The following ZNF570 variants were observed in gnomAD, a reference collection of about 807,000 sequenced individuals.
The protein encoded by ZNF570 is zinc finger protein 570.
Under a neutral mutation model 14.2 loss-of-function variants are expected in ZNF570, and 8 were observed. That is an observed-to-expected ratio of 0.56 (90% CI 0.33 to 1.02). The LOEUF (loss-of-function observed/expected upper bound fraction) is 1.02, where lower values mean the gene tolerates loss of function less well. Ranked by LOEUF, ZNF570 falls within the 50% of genes least tolerant of loss-of-function variation. The probability of loss-of-function intolerance (pLI) is 0.03; values close to 1 mark genes in which losing one functional copy is unlikely to be tolerated. For synonymous variants in ZNF570, 202 were observed against 207.6 expected, an observed-to-expected ratio of 0.97 and a Z score of 0.23; for missense variants, 559 against 624.9, an observed-to-expected ratio of 0.89 and a Z score of 1.12.
chr19:37,468,069 G>GT, upstream of ZNF570: 8 of 668,734 alleles, frequency 1.2e-5, no homozygotes, highest in Non-Finnish European at 1.9e-5. Flanking sequence ...TATGCCTTTC[G>GT]TGTTTTTTTT....
intron 2 of ZNF570, among the ~76,000 whole-genome samples, chr19:37,474,855 T>C (rs963103798): frequency 6.6e-6 from 1 of 152,228 alleles, no homozygotes; most frequent in African/African-American, 2.4e-5. Flanking sequence ...ATTAAATTAA[T>C]ACATACACAT....
At position 37,484,038 on chromosome 19, in the gene ZNF570, C is replaced by G. The variant is rs754287632; in HGVS notation, c.416C>G (p.Pro139Arg). Residue 139 changes from proline (P) to arginine (R), a missense_variant, in exon 5 of 5, where the codon CCA becomes CGA. Physicochemically the swap from Pro to Arg is moderately radical, Grantham distance 103 (BLOSUM62 -2). Coordinates refer to ENST00000330173, the MANE Select transcript of ZNF570 (RefSeq NM_144694.5). The stretch of plus-strand genomic sequence containing the variant: ...TGTGAGGGCTATTTTGAAAGGCAAC[C>G]AGGTAATCAGAAGGCGTGTTTCAAG... ...WKCEGYFERQ[P>R]GNQKACFKEE... The G allele has an allele frequency of 1.9e-6, 3 of 1,613,878 alleles. No individual in the cohort carries two copies. The African/African-American group carries it at 4.0e-5, about 22-fold the overall frequency.
chr19:37,480,224 G>T (rs1473943472), intron 4 of ZNF570, among the ~76,000 whole-genome samples: 1 of 152,156 alleles, frequency 6.6e-6, no homozygotes, highest in African/African-American at 2.4e-5. Context: ...GGTGGCTCAC[G>T]CCTGTAATCC....
At chr19:37,479,906 T>G (rs1474787319) in intron 4 of ZNF570, among the ~76,000 whole-genome samples, 1 of 152,200 alleles carries the variant, frequency 6.6e-6, no homozygotes, top group Non-Finnish European at 1.5e-5. Flanking sequence ...TAAACATTTT[T>G]TAAAATCCAG....
chr19:37,467,961 G>A (rs1381617053), upstream of ZNF570: 2 of 1,535,766 alleles, frequency 1.3e-6, no homozygotes, highest in East Asian at 4.9e-5. Context: ...TTCATGACCC[G>A]GGATCGTGAG....
upstream of ZNF570, chr19:37,468,111 G>A: frequency 7.8e-6 from 5 of 639,554 alleles, no homozygotes; most frequent in Non-Finnish European, 1.3e-5. Context: ...TTGAGGCAGA[G>A]CCTCACTTTG....
At chr19:37,473,640 G>A (rs1600378681) in intron 2 of ZNF570, among the ~76,000 whole-genome samples, 2 of 152,250 alleles carry the variant, frequency 1.3e-5, no homozygotes, top group South Asian at 4.1e-4. Context: ...GTACTGACAA[G>A]GTCTGGGTTA....
Position 37,484,325 on chromosome 19 carries a change from C to T in ZNF570, c.703C>T (p.Leu235Phe), listed in dbSNP as rs2042123012. The change falls in exon 5 of 5, where the codon CTT (leucine) becomes TTT (phenylalanine). Residue 235 changes from leucine (L) to phenylalanine (F), a missense_variant. Transcript: ENST00000330173. ...CTTCAGCCAGAGTTCATCCCTTACTCTTCATCAAAGAATTCATACTGGAGA... is the reference window on the plus strand; with the variant it reads ...CTTCAGCCAGAGTTCATCCCTTACTTTTCATCAAAGAATTCATACTGGAGA... ...KVFSQSSSLTLHQRIHTGEKP... is the reference protein window; with the variant it reads ...KVFSQSSSLTFHQRIHTGEKP... 6.2e-7 allele frequency: 1 copy of T among 1,613,908 alleles called. No homozygotes were observed. Among genetic ancestry groups the T allele is most frequent in the Non-Finnish European group, 8.5e-7 (1 of 1,179,988 alleles).
chr19:37,475,922 A>G lies in ZNF570; in HGVS notation c.75A>G (p.Gln25=), dbSNP rs1345849044. The part of the protein sequence containing the change: ...TFRDVAVDFS[Q]EEWDCLDSSQ... ...GAGATGTGGCTGTAGACTTCTCCCA[A>G]GAGGAATGGGATTGTCTGGATTCTT... Residue 25 remains glutamine (Q), a synonymous_variant, in exon 3 of 5, where the codon CAA becomes CAG. Transcript: ENST00000330173. 6.2e-7 allele frequency: 1 copy of G among 1,613,942 alleles called. No homozygotes were observed. Among genetic ancestry groups the G allele is most frequent in the African/African-American group, 1.3e-5 (1 of 75,046 alleles).
rs1022375439 is a variant in ZNF570, at chr19:37,486,892, TG to T, written c.*1660del. 7.2e-5 allele frequency: 11 copies of T among 152,160 alleles called. No individual in the cohort carries two copies. The highest frequency in any genetic ancestry group is 7.2e-4 in the Admixed American group (11 of 15,262). The allele number at this position is 152,160 out of a possible 1,614,324, so 9.4% of individuals were successfully genotyped here. A position where few individuals can be genotyped will look rare whatever the true frequency, so the allele number is the denominator to read the frequency against. ...AAAAATCAATAAACATAGAAATTCA[TG>T]TGATCCCCTTAAATAGGCACCACAC... On this transcript the variant is annotated 3_prime_UTR_variant, in exon 5 of 5. Coordinates refer to ENST00000330173, the MANE Select transcript of ZNF570 (RefSeq NM_144694.5).
At chr19:37,472,454 G>A (rs1216557610) in intron 2 of ZNF570, among the ~76,000 whole-genome samples, 1 of 152,002 alleles carries the variant, frequency 6.6e-6, no homozygotes, top group Non-Finnish European at 1.5e-5. Flanking sequence ...TATAAGAGAA[G>A]GAGAGACCTG....
chr19:37,468,490 G>C (rs998978228), upstream of ZNF570, among the ~76,000 whole-genome samples: 3 of 151,694 alleles, frequency 2.0e-5, no homozygotes, highest in Non-Finnish European at 4.4e-5. Flanking sequence ...TTGAGGTCAC[G>C]AGGTTTTTGT....
intron 1 of ZNF570, 187 bp downstream of exon 1, chr19:37,469,744 G>A (rs182141158): frequency 1.8e-4 from 115 of 649,332 alleles, no homozygotes; most frequent in Middle Eastern, 8.5e-4. Flanking sequence ...TGAGATTGTC[G>A]CTTGTGATAG....
chr19:37,484,364 T>C lies in ZNF570; in HGVS notation c.742T>C (p.Cys248Arg), dbSNP rs753142824. 1 of 1,614,104 alleles carries C rather than the reference T, an allele frequency of 6.2e-7. No individual in the cohort carries two copies. The highest frequency in any genetic ancestry group is 8.5e-7 in the Non-Finnish European group (1 of 1,180,030). The change falls in exon 5 of 5, where the codon TGT becomes CGT. Residue 248 changes from cysteine (C) to arginine (R), a missense_variant. By Grantham distance (180) the Cys-to-Arg change is radical. Coordinates refer to ENST00000330173, the MANE Select transcript of ZNF570 (RefSeq NM_144694.5). ...RIHTGEKPYK[C>R]IECGKAFSQR... ...TCATACTGGAGAGAAACCCTATAAATGTATAGAGTGTGGAAAAGCCTTCAG... is the reference window on the plus strand; with the variant it reads ...TCATACTGGAGAGAAACCCTATAAACGTATAGAGTGTGGAAAAGCCTTCAG...
At chr19:37,472,725 A>G (rs950309396) in intron 2 of ZNF570, among the ~76,000 whole-genome samples, 5 of 146,910 alleles carry the variant, frequency 3.4e-5, no homozygotes, top group Non-Finnish European at 5.9e-5. Context: ...CTGGGCAACA[A>G]GAGTGAAACT....
chr19:37,468,922 G>A (rs1001832937), upstream of ZNF570: 84 of 488,576 alleles, frequency 1.7e-4, no homozygotes, highest in Non-Finnish European at 2.0e-4. Context: ...ACAATTCTAG[G>A]AATTCGCCTC....
rs149552702 is a variant in ZNF570 at position 37,484,228 on chromosome 19, T to A, written c.606T>A (p.Asn202Lys). ...CACAAAAGAGAAGCTTTAAAAAAAA[T>A]TTAATGGCTATTAAGCCCAAGAGTG... ...HDTQKRSFKK[N>K]LMAIKPKSVC... Residue 202 changes from asparagine to lysine, a missense_variant, in exon 5 of 5, where the codon AAT (asparagine) becomes AAA (lysine). Transcript: ENST00000330173. The A allele has an allele frequency of 1.5e-4, 236 of 1,613,862 alleles. No individual in the cohort carries two copies. In the African/African-American group the frequency reaches 2.5e-3, roughly 17 times the overall value.
upstream of ZNF570, chr19:37,469,233 C>T (rs2041909346): frequency 3.7e-6 from 5 of 1,362,586 alleles, no homozygotes; most frequent in South Asian, 1.6e-5. Context: ...CGGAGCTGCA[C>T]CGCTGCTGCC....
In ZNF570 at chr19:37,474,440, T is replaced by C. The variant is rs146631043; in HGVS notation, c.34-1441T>C. 6.6e-3 allele frequency among the ~76,000 whole-genome samples: 1,003 copies of C among 152,234 alleles called. 12 individuals are homozygous for C. The highest frequency in any genetic ancestry group is 0.022 in the African/African-American group (934 of 41,550). On this transcript the variant is annotated intron_variant, in intron 2 of 4. Transcript: ENST00000330173. ...GAGCATTGAACTTGAAGAATTTTGC[T>C]TCTGTAGAGATAGTTTCTTTTGTTT...
Sources: gnomAD v4.1 joint callset for allele counts (sites outside exome capture counted in the v4.1 genomes callset) on GRCh38, gnomAD v4.1.1 for gene constraint, MANE v1.5 for transcripts, NCBI Gene and HGNC (gene_info 2026-07-23, HGNC 2026-07-21) for gene names.